Variants in PSMD10 observed in about 807,000 individuals in gnomAD.
PSMD10 encodes proteasome 26S subunit, non-ATPase 10, also known as 26S proteasome non-ATPase regulatory subunit 10.
Under a neutral mutation model 13.2 loss-of-function variants are expected in PSMD10, and 2 were observed. That is an observed-to-expected ratio of 0.15 (90% CI 0.06 to 0.48). The LOEUF is 0.48. Among genes scored for constraint, PSMD10 ranks in the 20% least tolerant of loss-of-function variants. The probability of loss-of-function intolerance (pLI) is 0.97; values close to 1 mark genes in which losing one functional copy is unlikely to be tolerated. For synonymous variants in PSMD10, 66 were observed against 64.4 expected (o/e 1.03, Z -0.12); for missense variants, 120 against 167.4 (o/e 0.72, Z 1.56).
Position 108,088,633 on chromosome X carries a change from T to C in PSMD10, c.213+119A>G, listed in dbSNP as rs1033706760. The C allele has an allele frequency of 4.7e-5, 25 of 529,181 alleles. No homozygotes were observed. In the Middle Eastern group the frequency reaches 2.5e-3, roughly 52 times the overall value. The allele number at this position is 529,181 out of a possible 1,213,427, so 43.6% of individuals were successfully genotyped here. A position where few individuals can be genotyped will look rare whatever the true frequency, so the allele number is the denominator to read the frequency against. On this transcript the variant is annotated intron_variant, in intron 2 of 4. Transcript: ENST00000217958. ...TGATCACAAGGGCCATGATGTAACTTTCCAGTCATAAAGGTTACAATTTTC... is the reference window on the plus strand; with the variant it reads ...TGATCACAAGGGCCATGATGTAACTCTCCAGTCATAAAGGTTACAATTTTC...
At chrX:108,089,705 C>T (rs989141119) in intron 1 of PSMD10, among the ~76,000 whole-genome samples, 6 of 110,022 alleles carry the variant, frequency 5.5e-5, no homozygotes, top group East Asian at 2.8e-4. Context: ...TGGTGGCAGG[C>T]GCCTGTAATC....
At chrX:108,088,983 A>C (rs1046627973) in intron 1 of PSMD10, 133 bp from the exon 2 acceptor site, 19 of 427,482 alleles carry the variant, frequency 4.4e-5, no homozygotes, top group Non-Finnish European at 7.3e-5. Flanking sequence ...AGGTAACCTT[A>C]AACTATATTA....
At chrX:108,088,339 C>CA (rs2031523562) in intron 2 of PSMD10, 2 of 364,214 alleles carry the variant, frequency 5.5e-6, no homozygotes, top group South Asian at 1.3e-4. Context: ...CACCAAAAAA[C>CA]AAAAAATCCA....
chrX:108,089,833 C>CA (rs999936760), intron 1 of PSMD10, among the ~76,000 whole-genome samples: 1 of 110,364 alleles, frequency 9.1e-6, no homozygotes, highest in African/African-American at 3.3e-5. Flanking sequence ...AACTCTGTTT[C>CA]AAAAAATAAA....
rs1333276333 is a variant in PSMD10, at chrX:108,087,803, T to C, written c.410A>G (p.His137Arg). The change falls in exon 4 of 5, where the codon CAT becomes CGT. Residue 137 changes from histidine (H) to arginine (R), a missense_variant. Physicochemically the swap from His to Arg is conservative, Grantham distance 29 (BLOSUM62 0). Around this residue, in one of 3 missense-constraint regions of PSMD10, gnomAD observed 68 missense variants for 124.8 expected, o/e 0.54. Transcript: ENST00000217958. Reference protein sequence around the residue: ...EGGANPDAKDHYEATAMHRAA... With the variant: ...EGGANPDAKDRYEATAMHRAA... ...CCGGTGCATTGCTGTAGCCTCATAA[T>C]GGTCCTTAGCATCTGGATTAGCCCC... is the stretch of plus-strand genomic sequence containing the variant. 4 of 1,211,975 alleles carry C rather than the reference T, an allele frequency of 3.3e-6. No individual in the cohort carries two copies. The highest frequency in any genetic ancestry group is 1.1e-6 in the Non-Finnish European group (1 of 895,537).
rs765167396 is a variant in PSMD10, at chrX:108,088,709, G to C, written c.213+43C>G. ...AGTAAACACCAGTCTGGAGTACAAA[G>C]ATAACTGGGAATTTATCAACTCAAC... On this transcript the variant is annotated intron_variant, in intron 2 of 4. Coordinates refer to ENST00000217958, the MANE Select transcript of PSMD10 (RefSeq NM_002814.4). 4 of 1,068,290 alleles carry C rather than the reference G, an allele frequency of 3.7e-6. No individual in the cohort carries two copies. In the African/African-American group the frequency reaches 7.3e-5, roughly 20 times the overall value. 88.0% of individuals were successfully genotyped at this position (1,068,290 alleles called of 1,213,427 possible).
At chrX:108,089,620 G>T (rs952131440) in intron 1 of PSMD10, among the ~76,000 whole-genome samples, 1 of 111,331 alleles carries the variant, frequency 9.0e-6, no homozygotes, top group African/African-American at 3.3e-5. Flanking sequence ...GATCACCCGA[G>T]GTCAGGAGTT....
In PSMD10 at chrX:108,084,751, T is replaced by C. The variant is rs1301330582; in HGVS notation, c.*223A>G. The C allele has an allele frequency of 1.5e-5, 5 of 329,284 alleles. No individual in the cohort carries two copies. The highest frequency in any genetic ancestry group is 2.6e-5 in the Non-Finnish European group (5 of 192,191). The allele number at this position is 329,284 out of a possible 1,213,427, so 27.1% of individuals were successfully genotyped here. ...AACCAGAATTCAATATAGAAGAATA[T>C]ACGACAACAGTAGAACAATCTCAAC... On this transcript the variant is annotated 3_prime_UTR_variant, in exon 5 of 5. Coordinates refer to ENST00000217958, the MANE Select transcript of PSMD10 (RefSeq NM_002814.4).
chrX:108,086,428 A>G, intron 4 of PSMD10, among the ~76,000 whole-genome samples: 1 of 112,451 alleles, frequency 8.9e-6, no homozygotes, highest in Non-Finnish European at 1.9e-5. Flanking sequence ...GGGCTTGACT[A>G]CGTAGAAATT....
intron 2 of PSMD10, 176 bp downstream of exon 2, chrX:108,088,576 T>C (rs764679761): frequency 1.8e-5 from 8 of 435,368 alleles, no homozygotes; most frequent in African/African-American, 7.3e-5. Flanking sequence ...AAACATAACA[T>C]TGTAAAATAA....
In PSMD10 at chrX:108,084,222, ATTTTT is replaced by A. The variant is rs2031469019; in HGVS notation, c.*747_*751del. 1 of 112,657 alleles carries A rather than the reference ATTTTT, an allele frequency of 8.9e-6. No homozygotes were observed. Among genetic ancestry groups the A allele is most frequent in the Admixed American group, 9.4e-5 (1 of 10,648 alleles). The allele number at this position is 112,657 out of a possible 1,213,427, so 9.3% of individuals were successfully genotyped here. A position where few individuals can be genotyped will look rare whatever the true frequency, so the allele number is the denominator to read the frequency against. On this transcript the variant is annotated 3_prime_UTR_variant, in exon 5 of 5. Transcript: ENST00000217958. Reference sequence around the variant, plus strand: ...AATTGGAAGATTCTTTCAACATTTTATTTTTTAGTTTCTGAAATACAAATCAAAAT... The same window carrying A: ...AATTGGAAGATTCTTTCAACATTTTATAGTTTCTGAAATACAAATCAAAAT...
At position 108,088,739 on chromosome X, in the gene PSMD10, T is replaced by G; in HGVS notation, c.213+13A>C. The G allele has an allele frequency of 8.5e-7, 1 of 1,171,894 alleles. No individual in the cohort carries two copies. Among genetic ancestry groups the G allele is most frequent in the Non-Finnish European group, 1.2e-6 (1 of 862,867 alleles). ...CTGGGAATTTATCAACTCAACTTTA[T>G]CAAAGTACTCACATCGTCTTTATCA... is the stretch of plus-strand genomic sequence containing the variant. On this transcript the variant is annotated intron_variant, in intron 2 of 4. Coordinates refer to ENST00000217958, the MANE Select transcript of PSMD10 (RefSeq NM_002814.4).
At chrX:108,089,435 A>G (rs768068894) in intron 1 of PSMD10, among the ~76,000 whole-genome samples, 12 of 112,759 alleles carry the variant, frequency 1.1e-4, no homozygotes, top group African/African-American at 3.2e-4. Flanking sequence ...AGAAATGTTC[A>G]TTAAACTAGT....
chrX:108,089,785 ACGGCACC>A (rs1193719731), intron 1 of PSMD10, among the ~76,000 whole-genome samples: 1 of 111,528 alleles, frequency 9.0e-6, no homozygotes, highest in Non-Finnish European at 1.9e-5. Context: ...GTGAGGTGAT[ACGGCACC>A]ACTGCACTCC....
At chrX:108,086,923 C>A (rs1187761486) in intron 4 of PSMD10, 5 of 111,530 alleles carry the variant, frequency 4.5e-5, no homozygotes, top group Non-Finnish European at 9.4e-5. Flanking sequence ...GTTTTCTGTA[C>A]AAAGTTGGTC....
At chrX:108,089,794 C>T (rs1458909861) in intron 1 of PSMD10, among the ~76,000 whole-genome samples, 6 of 111,268 alleles carry the variant, frequency 5.4e-5, no homozygotes, top group African/African-American at 2.0e-4. Context: ...TACGGCACCA[C>T]TGCACTCCAG....
At chrX:108,088,724 ATCAAC>A in intron 2 of PSMD10, 23 bp downstream of exon 2, 2 of 1,126,342 alleles carry the variant, frequency 1.8e-6, no homozygotes, top group Non-Finnish European at 2.4e-6. Context: ...CTGGGAATTT[ATCAAC>A]TCAACTTTAT....
In PSMD10 at chrX:108,084,230, G is replaced by T. The variant is rs2031469201; in HGVS notation, c.*744C>A. 8.9e-6 allele frequency: 1 copy of T among 112,335 alleles called. No individual in the cohort carries two copies. Among genetic ancestry groups the T allele is most frequent in the Non-Finnish European group, 1.9e-5 (1 of 53,213 alleles). 9.3% of individuals were successfully genotyped at this position (112,335 alleles called of 1,213,427 possible). A position where few individuals can be genotyped will look rare whatever the true frequency, so the allele number is the denominator to read the frequency against. ...GATTCTTTCAACATTTTATTTTTTA[G>T]TTTCTGAAATACAAATCAAAATACA... On this transcript the variant is annotated 3_prime_UTR_variant, in exon 5 of 5. Transcript: ENST00000217958.
chrX:108,090,668 A>C (rs1359578300), intron 1 of PSMD10, among the ~76,000 whole-genome samples: 1 of 112,065 alleles, frequency 8.9e-6, no homozygotes, highest in African/African-American at 3.2e-5. Flanking sequence ...CCATCTATAA[A>C]TATTTGTGGG....
Sources: allele counts gnomAD v4.1 joint callset (sites outside exome capture counted in the v4.1 genomes callset), GRCh38; gene constraint gnomAD v4.1.1; regional missense constraint gnomAD v4.1.1; transcripts MANE v1.5; gene names NCBI Gene and HGNC (gene_info 2026-07-23, HGNC 2026-07-21).